The following IARS2 variants were observed in gnomAD, a reference collection of about 807,000 sequenced individuals.
IARS2 encodes isoleucyl-tRNA synthetase 2, mitochondrial, also known as isoleucine--tRNA ligase, mitochondrial.
Under a neutral mutation model 126.3 loss-of-function variants are expected in IARS2, and 56 were observed. The observed-to-expected ratio is 0.44, with a 90% CI of 0.36 to 0.55. The LOEUF is 0.55. IARS2 is among the 20% of genes least tolerant of loss of function. IARS2 has a pLI of 0.00. For synonymous variants in IARS2, 407 were observed against 441.1 expected (o/e 0.92, Z 0.97); for missense variants, 1,127 against 1,245.9 (o/e 0.90, Z 1.44).
chr1:220,142,376 C>T (rs182569296), intron 20 of IARS2, among the ~76,000 whole-genome samples: 2 of 152,196 alleles, frequency 1.3e-5, no homozygotes, highest in East Asian at 3.9e-4. Context: ...GTGGCGGGTG[C>T]CTGTAGTCCC....
intron 10 of IARS2, among the ~76,000 whole-genome samples, chr1:220,109,273 G>A (rs191958020): frequency 2.6e-5 from 4 of 152,086 alleles, no homozygotes; most frequent in Admixed American, 2.6e-4. Flanking sequence ...GGTGGTAGGT[G>A]CCTGTAATCC....
chr1:220,094,761 C>T (rs890006773), intron 1 of IARS2, among the ~76,000 whole-genome samples: 4 of 152,204 alleles, frequency 2.6e-5, no homozygotes, highest in Admixed American at 6.5e-5. Context: ...CACGTATGTC[C>T]CATGTCTACC....
intron 8 of IARS2, among the ~76,000 whole-genome samples, chr1:220,104,938 T>C (rs546644739): frequency 6.6e-6 from 1 of 152,166 alleles, no homozygotes; most frequent in Non-Finnish European, 1.5e-5. Context: ...ACTGCCTAGC[T>C]AAATAGGAAA....
intron 12 of IARS2, among the ~76,000 whole-genome samples, chr1:220,125,012 A>T (rs1657124641): frequency 6.6e-6 from 1 of 152,212 alleles, no homozygotes; most frequent in African/African-American, 2.4e-5. Flanking sequence ...TAGAAAATAG[A>T]TGAGTAAGAA....
At chr1:220,147,221 C>T (rs1387170461) in intron 22 of IARS2, among the ~76,000 whole-genome samples, 2 of 151,882 alleles carry the variant, frequency 1.3e-5, no homozygotes, top group Non-Finnish European at 2.9e-5. Context: ...AGAAAGTCTG[C>T]TCTGCCTGAG....
Position 220,110,884 on chromosome 1 carries a change from C to G in IARS2, c.1426C>G (p.Arg476Gly). ...DWRTKKPVVI[R>G]ASKQWFINIT... ...GAGGACCAAGAAACCTGTGGTTATTCGTGCCAGCAAGCAGTGGTTTATAAA... is the reference window on the plus strand; with the variant it reads ...GAGGACCAAGAAACCTGTGGTTATTGGTGCCAGCAAGCAGTGGTTTATAAA... The change falls in exon 11 of 23, where the codon CGT becomes GGT. Residue 476 changes from arginine to glycine, a missense_variant. Transcript: ENST00000366922. The G allele has an allele frequency of 2.5e-6, 4 of 1,613,672 alleles. No homozygotes were observed. The highest frequency in any genetic ancestry group is 3.4e-6 in the Non-Finnish European group (4 of 1,179,928).
intron 21 of IARS2, chr1:220,143,986 C>T: frequency 2.0e-6 from 3 of 1,513,550 alleles, no homozygotes; most frequent in Non-Finnish European, 2.7e-6. Flanking sequence ...GATTTTCCCT[C>T]CTGTGTGTTT....
At chr1:220,133,344 T>A (rs1657308272) in intron 14 of IARS2, among the ~76,000 whole-genome samples, 1 of 152,172 alleles carries the variant, frequency 6.6e-6, no homozygotes, top group Non-Finnish European at 1.5e-5. Context: ...AAATCTACCC[T>A]ACTAGGTGTC....
At chr1:220,141,160 TA>T in intron 19 of IARS2, among the ~76,000 whole-genome samples, 2 of 152,288 alleles carry the variant, frequency 1.3e-5, no homozygotes, top group Non-Finnish European at 2.9e-5. Context: ...ATAATGTGCT[TA>T]AAGCTGTGCT....
intron 8 of IARS2, among the ~76,000 whole-genome samples, chr1:220,104,440 G>C (rs1005245008): frequency 2.6e-5 from 4 of 152,004 alleles, no homozygotes; most frequent in Non-Finnish European, 5.9e-5. Context: ...CTGGAGTGCA[G>C]TGGTGCCATC....
chr1:220,129,255 A>G (rs1657213443), intron 14 of IARS2, among the ~76,000 whole-genome samples: 1 of 152,224 alleles, frequency 6.6e-6, no homozygotes, highest in Non-Finnish European at 1.5e-5. Flanking sequence ...ATAATTGTAC[A>G]TATTATTGAG....
intron 21 of IARS2, 60 bp downstream of exon 21, chr1:220,143,194 T>C: frequency 7.4e-7 from 1 of 1,349,092 alleles, no homozygotes; most frequent in Non-Finnish European, 1.0e-6. Flanking sequence ...TGCCTGAAAT[T>C]TGCTTTTAAA....
At chr1:220,133,636 G>A (rs1324297242) in intron 14 of IARS2, among the ~76,000 whole-genome samples, 2 of 152,034 alleles carry the variant, frequency 1.3e-5, no homozygotes, top group African/African-American at 4.8e-5. Context: ...CTTTATCAAC[G>A]ACCTCATGTT....
At chr1:220,119,598 A>G (rs1264774692) in intron 12 of IARS2, among the ~76,000 whole-genome samples, 3 of 152,104 alleles carry the variant, frequency 2.0e-5, no homozygotes, top group African/African-American at 7.2e-5. Context: ...GAAATCTTTT[A>G]AGTATTATCT....
At position 220,117,318 on chromosome 1, in the gene IARS2, A is replaced by T. The variant is rs145211207; in HGVS notation, c.1640+2844A>T. ...GTGATTCTCCTGCCTCAGCCTCCTG[A>T]GTAGTTGGGATTAGAGGCATGTGCC... On this transcript the variant is annotated intron_variant, in intron 12 of 22. Transcript: ENST00000366922. Among the ~76,000 whole-genome samples, 758 of 149,732 alleles carry T rather than the reference A, an allele frequency of 5.1e-3. 6 individuals are homozygous for T. The highest frequency in any genetic ancestry group is 0.018 in the African/African-American group (724 of 40,708).
chr1:220,094,284 G>A lies in IARS2; in HGVS notation c.68G>A (p.Gly23Glu), dbSNP rs753955998. Residue 23 changes from glycine to glutamate, a missense_variant, in exon 1 of 23, where the codon GGG becomes GAG. Coordinates refer to ENST00000366922, the MANE Select transcript of IARS2 (RefSeq NM_018060.4). ...AALATARSLW[G>E]TPRLPCSPGW... is the part of the protein sequence containing the mutation. ...CTGGCCACTGCCCGAAGTTTGTGGG[G>A]GACGCCCCGCCTTCCCTGCAGCCCG... 7.3e-5 allele frequency: 117 copies of A among 1,610,346 alleles called. No individual in the cohort carries two copies. Among genetic ancestry groups the A allele is most frequent in the Non-Finnish European group, 9.5e-5 (112 of 1,178,666 alleles).
Position 220,147,538 on chromosome 1 carries a change from C to T in IARS2, c.2942C>T (p.Pro981Leu), listed in dbSNP as rs772930531. The T allele has an allele frequency of 1.3e-5, 21 of 1,613,744 alleles. No individual in the cohort carries two copies. In the East Asian group the frequency reaches 1.3e-4, roughly 10 times the overall value. ...TCTTCCTATAAAGTAATTGTCATGCCGACTACGAAAGAAAAATGCCCCCGT... is the reference window on the plus strand; with the variant it reads ...TCTTCCTATAAAGTAATTGTCATGCTGACTACGAAAGAAAAATGCCCCCGT... ...EESSYKVIVMPTTKEKCPRCW... is the reference protein window; with the variant it reads ...EESSYKVIVMLTTKEKCPRCW... The change falls in exon 23 of 23, where the codon CCG becomes CTG. Residue 981 changes from proline to leucine, a missense_variant. By Grantham distance (98) the Pro-to-Leu change is moderately conservative. Coordinates refer to ENST00000366922, the MANE Select transcript of IARS2 (RefSeq NM_018060.4).
Position 220,126,834 on chromosome 1 carries a change from GT to G in IARS2, c.1830del (p.Leu611PhefsTer27), listed in dbSNP as rs1558127731. ...WFDSGTSWSY[V>X]LPGPDQRADL... is the part of the protein sequence containing the mutation. ...TGATAGCGGAACTTCATGGTCTTAT[GT>G]TCTTCCAGGTAATTCTTAAAAATAG... On this transcript the variant is annotated frameshift_variant, in exon 14 of 23. Coordinates refer to ENST00000366922, the MANE Select transcript of IARS2 (RefSeq NM_018060.4). LOFTEE classifies it high-confidence loss of function. 1 of 1,604,968 alleles carries G rather than the reference GT, an allele frequency of 6.2e-7. No homozygotes were observed. Among genetic ancestry groups the G allele is most frequent in the Non-Finnish European group, 8.5e-7 (1 of 1,176,132 alleles).
At chr1:220,098,457 C>T (rs1391360087) in intron 2 of IARS2, among the ~76,000 whole-genome samples, 2 of 152,174 alleles carry the variant, frequency 1.3e-5, no homozygotes, top group Non-Finnish European at 2.9e-5. Context: ...CCACCCCCAG[C>T]CCCTAAATGT....
Sources: allele counts gnomAD v4.1 joint callset (sites outside exome capture counted in the v4.1 genomes callset), GRCh38; gene constraint gnomAD v4.1.1; transcripts MANE v1.5; gene names NCBI Gene and HGNC (gene_info 2026-07-23, HGNC 2026-07-21).